PPM1A: variants seen among roughly 807,000 people sequenced by gnomAD.
PPM1A encodes protein phosphatase 1A.
Under a neutral mutation model 35.0 loss-of-function variants are expected in PPM1A, and 7 were observed. The observed-to-expected ratio is 0.20, with a 90% CI of 0.11 to 0.38. The LOEUF (loss-of-function observed/expected upper bound fraction) is 0.38. PPM1A is among the 10% of genes least tolerant of loss of function. PPM1A has a pLI of 1.00. For synonymous variants in PPM1A, 153 were observed against 167.3 expected, an observed-to-expected ratio of 0.91 and a Z score of 0.66; for missense variants, 239 against 467.8, an observed-to-expected ratio of 0.51 and a Z score of 4.51.
chr14:60,277,861 A>C (rs1013112659), intron 1 of PPM1A, among the ~76,000 whole-genome samples: 8 of 152,200 alleles, frequency 5.3e-5, no homozygotes, highest in African/African-American at 1.4e-4. Flanking sequence ...GAGGAAGTTG[A>C]GGAATGCTTT....
intron 1 of PPM1A, among the ~76,000 whole-genome samples, chr14:60,254,696 C>T (rs1273458144): frequency 6.6e-6 from 1 of 152,132 alleles, no homozygotes; most frequent in Non-Finnish European, 1.5e-5. Context: ...CAGACCCAAA[C>T]CAAGATATTA....
intron 1 of PPM1A, among the ~76,000 whole-genome samples, chr14:60,257,442 G>GC (rs1269387781): frequency 1.2e-4 from 19 of 152,258 alleles, no homozygotes; most frequent in Admixed American, 1.2e-3. Flanking sequence ...TGGAAATACA[G>GC]CAGACTATGA....
chr14:60,264,245 T>C (rs79322002), intron 1 of PPM1A, among the ~76,000 whole-genome samples: 1,551 of 152,312 alleles, frequency 0.01, 31 homozygotes, highest in African/African-American at 0.034. Flanking sequence ...CAGTATATTA[T>C]TTCATTGTCT....
Position 60,292,626 on chromosome 14 carries a change from G to T in PPM1A, c.*144G>T. The T allele has an allele frequency of 9.9e-6, 5 of 503,800 alleles. No homozygotes were observed. Among genetic ancestry groups the T allele is most frequent in the East Asian group, 3.4e-5 (1 of 29,214 alleles). 31.2% of individuals were successfully genotyped at this position (503,800 alleles called of 1,614,324 possible). On this transcript the variant is annotated 3_prime_UTR_variant, in exon 6 of 6. Transcript: ENST00000395076. The surrounding 1 kb of genome is among the most constrained non-coding windows in gnomAD (Gnocchi z 4.2). ...ATGATTACATCAGAGAACTTCAGCA[G>T]TACAACAGCTAGCCCAGAACTGATT...
At position 60,298,200 on chromosome 14, in the gene PPM1A, A is replaced by G. The variant is rs910835506; in HGVS notation, c.*5718A>G. The G allele has an allele frequency of 3.3e-5, 5 of 151,766 alleles. No individual in the cohort carries two copies. Among genetic ancestry groups the G allele is most frequent in the African/African-American group, 9.7e-5 (4 of 41,422 alleles). The allele number at this position is 151,766 out of a possible 1,614,324, so 9.4% of individuals were successfully genotyped here. ...TCAACAGAAAAGAGGTAAAACAGAAATGGAATGTATCTGGAACATTTTTGG... is the reference window on the plus strand; with the variant it reads ...TCAACAGAAAAGAGGTAAAACAGAAGTGGAATGTATCTGGAACATTTTTGG... On this transcript the variant is annotated 3_prime_UTR_variant, in exon 6 of 6. Coordinates refer to ENST00000395076, the MANE Select transcript of PPM1A (RefSeq NM_021003.5).
At chr14:60,272,690 C>CAAAAAAAAAAAAAAAAAAAAA (rs34892158) in intron 1 of PPM1A, among the ~76,000 whole-genome samples, 1 of 68,598 alleles carries the variant, frequency 1.5e-5, no homozygotes, top group African/African-American at 5.3e-5. Context: ...GACTCTGTCT[C>CAAAAAAAAAAAAAAAAAAAAA]AAAAAAAAAA....
In PPM1A at chr14:60,292,391, A is replaced by G. The variant is rs558655079; in HGVS notation, c.1120-62A>G. On this transcript the variant is annotated intron_variant, in intron 5 of 5. Coordinates refer to ENST00000395076, the MANE Select transcript of PPM1A (RefSeq NM_021003.5). This position sits in a 1 kb window ranked among gnomAD's most constrained non-coding sequence, Gnocchi z 4.2. ...TATCTTTCTCCATTATCCAGAAAGT[A>G]TGGTGTATTTTGGCACCGCTAAATT... is the stretch of plus-strand genomic sequence containing the variant. 1.0e-3 allele frequency: 1,226 copies of G among 1,201,334 alleles called. 22 individuals carry two copies. In the South Asian group the frequency reaches 0.014, roughly 14 times the overall value. The allele number at this position is 1,201,334 out of a possible 1,614,324, so 74.4% of individuals were successfully genotyped here.
Position 60,292,608 on chromosome 14 carries a change from C to T in PPM1A, c.*126C>T. The T allele has an allele frequency of 1.5e-6, 1 of 670,032 alleles. No individual in the cohort carries two copies. Among genetic ancestry groups the T allele is most frequent in the East Asian group, 3.0e-5 (1 of 33,734 alleles). 41.5% of individuals were successfully genotyped at this position (670,032 alleles called of 1,614,324 possible). A position where few individuals can be genotyped will look rare whatever the true frequency, so the allele number is the denominator to read the frequency against. On this transcript the variant is annotated 3_prime_UTR_variant, in exon 6 of 6. Transcript: ENST00000395076. This position sits in a 1 kb window ranked among gnomAD's most constrained non-coding sequence, Gnocchi z 4.2. ...GATATGACATGGGTGAGAATGATTA[C>T]ATCAGAGAACTTCAGCAGTACAACA... is the stretch of plus-strand genomic sequence containing the variant.
In PPM1A at chr14:60,289,937, T is replaced by G; in HGVS notation, c.1061+23T>G. ...CAAGTAAGTTACATTCTGTACACTC[T>G]TATGCTTTATGTCAGTGTATGAAAA... is the stretch of plus-strand genomic sequence containing the variant. On this transcript the variant is annotated intron_variant, in intron 4 of 5. Transcript: ENST00000395076. The surrounding 1 kb of genome is among the most constrained non-coding windows in gnomAD (Gnocchi z 4.1). The G allele has an allele frequency of 1.4e-6, 2 of 1,418,816 alleles. No homozygotes were observed. The highest frequency in any genetic ancestry group is 1.9e-6 in the Non-Finnish European group (2 of 1,039,520). The allele number at this position is 1,418,816 out of a possible 1,614,324, so 87.9% of individuals were successfully genotyped here.
At chr14:60,256,574 C>T (rs1433054635) in intron 1 of PPM1A, among the ~76,000 whole-genome samples, 1 of 152,126 alleles carries the variant, frequency 6.6e-6, no homozygotes, top group Non-Finnish European at 1.5e-5. Context: ...CTTTGTGTTC[C>T]TCTTATGTTT....
chr14:60,281,631 A>G (rs114194988), intron 1 of PPM1A, among the ~76,000 whole-genome samples: 222 of 152,252 alleles, frequency 1.5e-3, no homozygotes, highest in African/African-American at 5.0e-3. Flanking sequence ...GTTGTGACTT[A>G]CTTGATTACT....
intron 2 of PPM1A, among the ~76,000 whole-genome samples, chr14:60,284,356 C>G (rs1886713599): frequency 6.6e-6 from 1 of 152,262 alleles, no homozygotes; most frequent in East Asian, 1.9e-4. Context: ...TCTTATAAGA[C>G]TGTTGCCGGG....
Position 60,295,622 on chromosome 14 carries a change from G to T in PPM1A, c.*3140G>T, listed in dbSNP as rs2139614613. On this transcript the variant is annotated 3_prime_UTR_variant, in exon 6 of 6. Coordinates refer to ENST00000395076, the MANE Select transcript of PPM1A (RefSeq NM_021003.5). ...TCAGTTTTTTTACAAAATGTTTCGAGTATTATTGGTAAAACACTGTTCTAG... is the reference window on the plus strand; with the variant it reads ...TCAGTTTTTTTACAAAATGTTTCGATTATTATTGGTAAAACACTGTTCTAG... 6.6e-6 allele frequency: 1 copy of T among 151,666 alleles called. No individual in the cohort carries two copies. The highest frequency in any genetic ancestry group is 1.9e-4 in the East Asian group (1 of 5,182). The allele number at this position is 151,666 out of a possible 1,614,324, so 9.4% of individuals were successfully genotyped here. A position where few individuals can be genotyped will look rare whatever the true frequency, so the allele number is the denominator to read the frequency against.
intron 1 of PPM1A, among the ~76,000 whole-genome samples, chr14:60,262,909 G>A (rs1235811606): frequency 3.3e-5 from 5 of 152,158 alleles, no homozygotes; most frequent in Non-Finnish European, 5.9e-5. Flanking sequence ...CCTTAGCCAT[G>A]TTGCAGGGAA....
chr14:60,292,583 G>T lies in PPM1A; in HGVS notation c.*101G>T, dbSNP rs1279834435. On this transcript the variant is annotated 3_prime_UTR_variant, in exon 6 of 6. Coordinates refer to ENST00000395076, the MANE Select transcript of PPM1A (RefSeq NM_021003.5). The surrounding 1 kb of genome is among the most constrained non-coding windows in gnomAD (Gnocchi z 4.2). ...ATCCATCCTCAACTTTAAGGAAGGG[G>T]ATATGACATGGGTGAGAATGATTAC... 1.1e-5 allele frequency: 11 copies of T among 998,496 alleles called. No individual in the cohort carries two copies. Among genetic ancestry groups the T allele is most frequent in the Admixed American group, 1.9e-5 (1 of 51,778 alleles). The allele number at this position is 998,496 out of a possible 1,614,324, so 61.9% of individuals were successfully genotyped here. A position where few individuals can be genotyped will look rare whatever the true frequency, so the allele number is the denominator to read the frequency against.
chr14:60,256,427 G>A (rs937230133), intron 1 of PPM1A, among the ~76,000 whole-genome samples: 1 of 151,102 alleles, frequency 6.6e-6, no homozygotes, highest in Non-Finnish European at 1.5e-5. Context: ...GCAAGACATC[G>A]TCTAAAAAAA....
intron 1 of PPM1A, among the ~76,000 whole-genome samples, chr14:60,253,462 A>G (rs28640166): frequency 0.075 from 11,425 of 152,196 alleles, 721 homozygotes; most frequent in African/African-American, 0.18. Flanking sequence ...TAGATATAAA[A>G]GTATTTTTCA....
At position 60,283,424 on chromosome 14, in the gene PPM1A, A is replaced by G. The variant is rs1194767213; in HGVS notation, c.721A>G (p.Ile241Val). ...DQFIILACDG[I>V]WDVMGNEELC... ...GTTCATTATCCTTGCATGTGATGGT[A>G]TCTGGGATGTTATGGGAAATGAAGA... Residue 241 changes from isoleucine (I) to valine (V), a missense_variant, in exon 2 of 6, where the codon ATC becomes GTC. Ile to Val is a conservative substitution (Grantham distance 29). This residue lies in a region of PPM1A where 175 missense variants were observed against 389.2 expected (regional missense o/e 0.45). Coordinates refer to ENST00000395076, the MANE Select transcript of PPM1A (RefSeq NM_021003.5). This position sits in a 1 kb window ranked among gnomAD's most constrained non-coding sequence, Gnocchi z 6.3. 2.5e-6 allele frequency: 4 copies of G among 1,614,226 alleles called. No individual in the cohort carries two copies. The highest frequency in any genetic ancestry group is 3.4e-6 in the Non-Finnish European group (4 of 1,180,046).
In PPM1A at chr14:60,249,241, T is replaced by G. The variant is rs1486473024; in HGVS notation, c.-457T>G. On this transcript the variant is annotated 5_prime_UTR_variant, in exon 1 of 6. Coordinates refer to ENST00000395076, the MANE Select transcript of PPM1A (RefSeq NM_021003.5). The surrounding 1 kb of genome is among the most constrained non-coding windows in gnomAD (Gnocchi z 4.5). The stretch of plus-strand genomic sequence containing the variant: ...GCGCTAGAGGCGGCGGCGGCGGCGG[T>G]GGCGGCGCTAGGGACGGGAGCGCGC... 2 of 981,848 alleles carry G rather than the reference T, an allele frequency of 2.0e-6. No individual in the cohort carries two copies. Among genetic ancestry groups the G allele is most frequent in the Non-Finnish European group, 2.4e-6 (2 of 831,168 alleles). 60.8% of individuals were successfully genotyped at this position (981,848 alleles called of 1,614,324 possible). A position where few individuals can be genotyped will look rare whatever the true frequency, so the allele number is the denominator to read the frequency against.
Sources: gnomAD v4.1 joint callset for allele counts (sites outside exome capture counted in the v4.1 genomes callset) on GRCh38, gnomAD v4.1.1 for gene constraint, gnomAD v4.1.1 regional missense constraint, Gnocchi (gnomAD v3.1) non-coding constraint, MANE v1.5 for transcripts, NCBI Gene and HGNC (gene_info 2026-07-23, HGNC 2026-07-21) for gene names.